The following VWA3B variants were observed in gnomAD, a reference collection of about 807,000 sequenced individuals.
VWA3B encodes von Willebrand factor A domain-containing protein 3B.
VWA3B carries 138 observed loss-of-function variants against 158.3 expected under a neutral mutation model. The ratio of observed to expected loss-of-function variants is 0.87; its 90% confidence interval spans 0.76 to 1.00. The LOEUF (loss-of-function observed/expected upper bound fraction) is 1.00. VWA3B is among the 50% of genes least tolerant of loss of function. The pLI, the probability that VWA3B is intolerant of heterozygous loss-of-function variation, is 0.00. For missense variants in VWA3B, 1,555 were observed against 1,565.1 expected (o/e 0.99, Z 0.11); for synonymous variants, 596 against 587.3 (o/e 1.01, Z -0.21).
At chr2:98,160,133 C>G (rs796322010) in intron 7 of VWA3B, among the ~76,000 whole-genome samples, 2 of 152,120 alleles carry the variant, frequency 1.3e-5, no homozygotes, top group Admixed American at 1.3e-4. Context: ...GTGCCCCCAT[C>G]GTCTTCCATC....
Position 98,272,848 on chromosome 2 carries a change from G to A in VWA3B, c.3045+1965G>A, listed in dbSNP as rs190851342. On this transcript the variant is annotated intron_variant, in intron 22 of 27. Transcript: ENST00000477737. ...AAATGGACCAATGCCATTATCACAGGAGTGGATTCCTTATTAAAGGAATTC... is the reference window on the plus strand; with the variant it reads ...AAATGGACCAATGCCATTATCACAGAAGTGGATTCCTTATTAAAGGAATTC... Among the ~76,000 whole-genome samples, 311 of 152,282 alleles carry A rather than the reference G, an allele frequency of 2.0e-3. 2 individuals are homozygous for A. Among genetic ancestry groups the A allele is most frequent in the Middle Eastern group, 3.4e-3 (1 of 294 alleles).
chr2:98,210,408 A>G (rs1683412806), intron 12 of VWA3B, among the ~76,000 whole-genome samples: 1 of 152,062 alleles, frequency 6.6e-6, no homozygotes, highest in Non-Finnish European at 1.5e-5. Flanking sequence ...TAGGCATCCA[A>G]CACCATCCTA....
downstream of VWA3B, among the ~76,000 whole-genome samples, chr2:98,315,199 A>C (rs1691063117): frequency 6.6e-6 from 1 of 152,188 alleles, no homozygotes; most frequent in African/African-American, 2.4e-5. Flanking sequence ...ACCTGGATGC[A>C]TTCATTGCCT....
At chr2:98,187,664 CTGTGTGTGTGTGTG>C (rs3066239) in intron 9 of VWA3B, among the ~76,000 whole-genome samples, 10 of 141,694 alleles carry the variant, frequency 7.1e-5, no homozygotes, top group Admixed American at 2.1e-4. Flanking sequence ...GTCTCTGTGT[CTGTGTGTGTGTGTG>C]TGTGTGTGTG....
chr2:98,197,913 C>A (rs979180196), intron 12 of VWA3B, among the ~76,000 whole-genome samples: 2 of 152,016 alleles, frequency 1.3e-5, no homozygotes, highest in African/African-American at 4.8e-5. Flanking sequence ...ATCTGGACAC[C>A]TGGTTGTGGT....
At chr2:98,292,332 T>G (rs1043049009) in intron 23 of VWA3B, among the ~76,000 whole-genome samples, 3 of 152,178 alleles carry the variant, frequency 2.0e-5, no homozygotes, top group Non-Finnish European at 2.9e-5. Flanking sequence ...TTAAATTTAA[T>G]TGAATAATAT....
Position 98,272,019 on chromosome 2 carries a change from T to C in VWA3B, c.3045+1136T>C, listed in dbSNP as rs145320482. On this transcript the variant is annotated intron_variant, in intron 22 of 27. Coordinates refer to ENST00000477737, the MANE Select transcript of VWA3B (RefSeq NM_144992.5). ...AATCATCAACAGGGAAGAAGGCTTC[T>C]GTGACCAAAGGTGTGGGGGATTTCC... 3.0e-3 allele frequency among the ~76,000 whole-genome samples: 461 copies of C among 152,370 alleles called. 3 individuals are homozygous for C. Among genetic ancestry groups the C allele is most frequent in the African/African-American group, 0.011 (444 of 41,598 alleles).
intron 7 of VWA3B, among the ~76,000 whole-genome samples, chr2:98,139,238 C>G (rs965299882): frequency 6.6e-6 from 1 of 152,374 alleles, no homozygotes; most frequent in Admixed American, 6.5e-5. Context: ...GCTGCCTTCC[C>G]GCGGGGCAGG....
intron 2 of VWA3B, among the ~76,000 whole-genome samples, chr2:98,115,121 C>A (rs1258994707): frequency 6.8e-6 from 1 of 146,156 alleles, no homozygotes; most frequent in Non-Finnish European, 1.5e-5. Context: ...TTTTTTTTAA[C>A]CTCTGTTGTA....
intron 1 of VWA3B, among the ~76,000 whole-genome samples, chr2:98,088,954 A>T (rs1218473285): frequency 6.6e-6 from 1 of 152,152 alleles, no homozygotes; most frequent in East Asian, 1.9e-4. Flanking sequence ...AGGTTTCACC[A>T]TGTTGGCCAG....
intron 8 of VWA3B, among the ~76,000 whole-genome samples, chr2:98,176,067 T>C (rs940495721): frequency 2.6e-5 from 4 of 152,178 alleles, no homozygotes; most frequent in Admixed American, 6.5e-5. Context: ...TGGGATGGGC[T>C]TCATCTTACC....
intron 8 of VWA3B, among the ~76,000 whole-genome samples, chr2:98,170,449 T>C (rs1235154303): frequency 6.6e-6 from 1 of 152,180 alleles, no homozygotes; most frequent in Non-Finnish European, 1.5e-5. Flanking sequence ...CTGCAGGCAG[T>C]TGCAACCTAC....
At chr2:98,208,156 T>G (rs2105519555) in intron 12 of VWA3B, among the ~76,000 whole-genome samples, 1 of 152,162 alleles carries the variant, frequency 6.6e-6, no homozygotes, top group Non-Finnish European at 1.5e-5. Context: ...AAAGTCTACT[T>G]TATATAATAT....
chr2:98,217,660 C>G (rs1200798724), intron 13 of VWA3B, among the ~76,000 whole-genome samples, 186 bp from the exon 14 acceptor site: 2 of 152,190 alleles, frequency 1.3e-5, no homozygotes, highest in Admixed American at 6.5e-5. Context: ...GATCATTGTA[C>G]TCTCACCATC....
At chr2:98,173,946 G>A (rs894664920) in intron 8 of VWA3B, among the ~76,000 whole-genome samples, 7 of 150,326 alleles carry the variant, frequency 4.7e-5, no homozygotes, top group South Asian at 2.2e-4. Context: ...CAGCCTGGGC[G>A]ACAGAGCGAG....
intron 22 of VWA3B, among the ~76,000 whole-genome samples, chr2:98,271,972 G>A (rs1574250021): frequency 6.6e-6 from 1 of 152,168 alleles, no homozygotes; most frequent in African/African-American, 2.4e-5. Flanking sequence ...TCTCTCAACC[G>A]GTGCTCTCGC....
intron 6 of VWA3B, among the ~76,000 whole-genome samples, chr2:98,132,386 A>G (rs1051900596): frequency 3.3e-5 from 5 of 152,162 alleles, no homozygotes; most frequent in Non-Finnish European, 7.4e-5. Context: ...TGCAAGTGGC[A>G]TGTCCTGAGT....
chr2:98,164,681 T>C (rs1678920560), intron 8 of VWA3B, among the ~76,000 whole-genome samples: 3 of 152,252 alleles, frequency 2.0e-5, no homozygotes, highest in Admixed American at 2.0e-4. Context: ...CTCATCTTGA[T>C]GTTGGTTTCC....
intron 22 of VWA3B, among the ~76,000 whole-genome samples, chr2:98,287,281 CT>C (rs1442262905): frequency 3.3e-5 from 5 of 152,166 alleles, no homozygotes; most frequent in African/African-American, 1.2e-4. Flanking sequence ...AAACCCACCA[CT>C]AGCTTGGTGG....
Sources: gnomAD v4.1 joint callset for allele counts (sites outside exome capture counted in the v4.1 genomes callset) on GRCh38, gnomAD v4.1.1 for gene constraint, MANE v1.5 for transcripts, NCBI Gene and HGNC (gene_info 2026-07-23, HGNC 2026-07-21) for gene names.